Variants in MYO1D observed in about 807,000 individuals in gnomAD.
MYO1D encodes myosin ID, also known as unconventional myosin-Id.
Under a neutral mutation model 122.0 loss-of-function variants are expected in MYO1D, and 83 were observed. That is an observed-to-expected ratio of 0.68 (90% CI 0.57 to 0.82). MYO1D has a LOEUF of 0.82. Among genes scored for constraint, MYO1D ranks in the 40% least tolerant of loss-of-function variants. The probability of loss-of-function intolerance (pLI) is 0.00; values close to 1 mark genes in which losing one functional copy is unlikely to be tolerated. For synonymous variants in MYO1D, 464 were observed against 446.9 expected (o/e 1.04, Z -0.48); for missense variants, 1,157 against 1,269.5 (o/e 0.91, Z 1.35).
chr17:32,851,622 C>A (rs2090989996), intron 1 of MYO1D, among the ~76,000 whole-genome samples: 1 of 152,200 alleles, frequency 6.6e-6, no homozygotes, highest in African/African-American at 2.4e-5. Flanking sequence ...TGGTCCCCAA[C>A]CTTTTGTGCA....
chr17:32,790,537 A>C (rs2090340055), intron 1 of MYO1D, among the ~76,000 whole-genome samples: 2 of 152,240 alleles, frequency 1.3e-5, no homozygotes, highest in Admixed American at 1.3e-4. Context: ...AATAGAGGAC[A>C]TATCTATCTT....
Position 32,604,993 on chromosome 17 carries a change from A to G in MYO1D, c.2864+94T>C, listed in dbSNP as rs977988381. ...TCCTTATGGAGAAAAATAGCTCAAT[A>G]CATTAAAATTGGCACAAAACAAGCT... On this transcript the variant is annotated intron_variant, in intron 21 of 21. Transcript: ENST00000318217. 1.3e-5 allele frequency: 16 copies of G among 1,210,694 alleles called. No individual in the cohort carries two copies. The African/African-American group carries it at 2.3e-4, about 17-fold the overall frequency. The allele number at this position is 1,210,694 out of a possible 1,614,324, so 75.0% of individuals were successfully genotyped here.
intron 21 of MYO1D, among the ~76,000 whole-genome samples, chr17:32,501,405 C>T (rs1909314034): frequency 6.6e-6 from 1 of 152,232 alleles, no homozygotes; most frequent in Non-Finnish European, 1.5e-5. Flanking sequence ...CCCTAACACC[C>T]TCATTCCCGA....
intron 4 of MYO1D, among the ~76,000 whole-genome samples, chr17:32,773,837 T>C (rs1241197772): frequency 1.3e-5 from 2 of 152,192 alleles, no homozygotes; most frequent in Non-Finnish European, 2.9e-5. Context: ...TGATCTGAGA[T>C]GCCTGACGTC....
chr17:32,501,288 C>T lies in MYO1D; in HGVS notation c.2865-6373G>A, dbSNP rs980802620. 2.0e-5 allele frequency among the ~76,000 whole-genome samples: 3 copies of T among 152,262 alleles called. No homozygotes were observed. The East Asian group carries it at 5.8e-4, about 29-fold the overall frequency. Reference sequence around the variant, plus strand: ...AACCATTGTTAGTCTTTTGTTATAACGTTGGGGTGCTTTAGGCCTCAGAAG... The same window carrying T: ...AACCATTGTTAGTCTTTTGTTATAATGTTGGGGTGCTTTAGGCCTCAGAAG... On this transcript the variant is annotated intron_variant, in intron 21 of 21. Transcript: ENST00000318217.
chr17:32,834,016 C>T (rs897178868), intron 1 of MYO1D, among the ~76,000 whole-genome samples: 3 of 152,134 alleles, frequency 2.0e-5, no homozygotes, highest in African/African-American at 7.2e-5. Context: ...CTGTCTCCCC[C>T]CACTAGAATT....
At chr17:32,527,141 T>C (rs943562912) in intron 21 of MYO1D, among the ~76,000 whole-genome samples, 2 of 152,300 alleles carry the variant, frequency 1.3e-5, no homozygotes, top group African/African-American at 2.4e-5. Context: ...GGACAGCACA[T>C]GCCTCTCGGA....
chr17:32,643,432 CCT>C (rs1184478927), intron 19 of MYO1D, among the ~76,000 whole-genome samples: 1 of 152,158 alleles, frequency 6.6e-6, no homozygotes, highest in Non-Finnish European at 1.5e-5. Context: ...ATGATGCTGG[CCT>C]CATAAAATAA....
chr17:32,645,490 CA>C (rs1472626726), intron 19 of MYO1D, among the ~76,000 whole-genome samples: 1 of 152,170 alleles, frequency 6.6e-6, no homozygotes, highest in African/African-American at 2.4e-5. Context: ...TAATATCCTG[CA>C]GAGTGTTTTC....
At chr17:32,563,337 G>A (rs1457848250) in intron 21 of MYO1D, among the ~76,000 whole-genome samples, 1 of 151,022 alleles carries the variant, frequency 6.6e-6, no homozygotes, top group Non-Finnish European at 1.5e-5. Context: ...AGCCTCCTGA[G>A]TAGCTGGGAT....
chr17:32,826,729 T>A (rs1039467420), intron 1 of MYO1D, among the ~76,000 whole-genome samples: 7 of 152,224 alleles, frequency 4.6e-5, no homozygotes, highest in Non-Finnish European at 7.3e-5. Flanking sequence ...AATAGCAAAC[T>A]AATTTAATGG....
intron 21 of MYO1D, among the ~76,000 whole-genome samples, chr17:32,539,385 C>T (rs6505298): frequency 0.61 from 93,011 of 151,924 alleles, 29,841 homozygotes; most frequent in African/African-American, 0.75. Flanking sequence ...AAAAACCATA[C>T]TGTATTAGTT....
At chr17:32,658,957 T>A (rs1250529931) in intron 17 of MYO1D, 158 bp downstream of exon 17, 2 of 726,950 alleles carry the variant, frequency 2.8e-6, no homozygotes, top group Admixed American at 2.8e-5. Context: ...AAGCAGATGC[T>A]CTTTGAAAGC....
chr17:32,791,313 G>A (rs1021477455), intron 1 of MYO1D, among the ~76,000 whole-genome samples: 1 of 138,776 alleles, frequency 7.2e-6, no homozygotes, highest in African/African-American at 2.8e-5. Context: ...GCAGTGAGCC[G>A]AGATCACACT....
At chr17:32,706,998 C>T (rs978675502) in intron 16 of MYO1D, among the ~76,000 whole-genome samples, 3 of 151,950 alleles carry the variant, frequency 2.0e-5, no homozygotes, top group Non-Finnish European at 4.4e-5. Context: ...GCCCAGCCTC[C>T]CAGATCCATA....
chr17:32,861,693 A>T (rs2151087817), intron 1 of MYO1D, among the ~76,000 whole-genome samples: 2 of 152,072 alleles, frequency 1.3e-5, no homozygotes, highest in South Asian at 4.2e-4. Flanking sequence ...CTCACTGGAT[A>T]CCTTTCAGTT....
intron 16 of MYO1D, among the ~76,000 whole-genome samples, chr17:32,673,411 T>C (rs956321207): frequency 6.6e-6 from 1 of 152,116 alleles, no homozygotes; most frequent in Non-Finnish European, 1.5e-5. Context: ...GCCAACATGC[T>C]ACATTTTTTA....
chr17:32,715,662 A>G (rs367837683), intron 15 of MYO1D, among the ~76,000 whole-genome samples: 1 of 152,106 alleles, frequency 6.6e-6, no homozygotes, highest in African/African-American at 2.4e-5. Context: ...AAAAATATGT[A>G]TATTTTATAA....
At chr17:32,662,412 C>A (rs2088578656) in intron 16 of MYO1D, among the ~76,000 whole-genome samples, 1 of 152,202 alleles carries the variant, frequency 6.6e-6, no homozygotes. Context: ...GTGGCTCACG[C>A]CTGTAATCTC....
Sources: allele counts gnomAD v4.1 joint callset (sites outside exome capture counted in the v4.1 genomes callset), GRCh38; gene constraint gnomAD v4.1.1; transcripts MANE v1.5; gene names NCBI Gene and HGNC (gene_info 2026-07-23, HGNC 2026-07-21).